Variants in DST observed in about 807,000 individuals in gnomAD.
DST encodes the protein bullous pemphigoid antigen.
DST carries 253 observed loss-of-function variants against 875.2 expected under a neutral mutation model. The observed-to-expected ratio is 0.29, with a 90% CI of 0.26 to 0.32. The LOEUF (loss-of-function observed/expected upper bound fraction) is 0.32, where lower values mean the gene tolerates loss of function less well. DST is among the 10% of genes least tolerant of loss of function. DST has a pLI of 1.00. For synonymous variants in DST, 3,124 were observed against 3,197.1 expected, an observed-to-expected ratio of 0.98 and a Z score of 0.77; for missense variants, 8,287 against 9,111.6, an observed-to-expected ratio of 0.91 and a Z score of 3.68.
At chr6:56,669,856 G>A (rs944736544) in intron 10 of DST, among the ~76,000 whole-genome samples, 1 of 152,216 alleles carries the variant, frequency 6.6e-6, no homozygotes, top group East Asian at 1.9e-4. Context: ...ACAGTGTCTG[G>A]CACTTAGTAA....
rs947893917 is a variant in DST, at chr6:56,785,428, C to T, written c.626-50139G>A. Among the ~76,000 whole-genome samples, 6 of 152,290 alleles carry T rather than the reference C, an allele frequency of 3.9e-5. No homozygotes were observed. In the East Asian group the frequency reaches 9.7e-4, roughly 25 times the overall value. On this transcript the variant is annotated intron_variant, in intron 4 of 103. Coordinates refer to ENST00000680361, the MANE Select transcript of DST (RefSeq NM_001374736.1). ...GCCTGGGCAATGGCAGGCGCCCCTC[C>T]GCCAGCCTCGCTGCCGCCTTGCAGT...
chr6:56,749,416 C>T (rs976785693), intron 4 of DST, among the ~76,000 whole-genome samples: 4 of 152,122 alleles, frequency 2.6e-5, no homozygotes, highest in African/African-American at 9.7e-5. Context: ...GGTTACTACA[C>T]AGTGGAATGC....
chr6:56,823,075 C>G (rs758875284), intron 4 of DST, among the ~76,000 whole-genome samples: 5 of 152,082 alleles, frequency 3.3e-5, no homozygotes, highest in Non-Finnish European at 7.4e-5. Flanking sequence ...TCAAGTGATC[C>G]ACCTGCCTCG....
chr6:56,917,316 CAG>C (rs763789075), intron 2 of DST, among the ~76,000 whole-genome samples: 2 of 152,068 alleles, frequency 1.3e-5, no homozygotes, highest in Non-Finnish European at 1.5e-5. Flanking sequence ...TGAGTAAAGA[CAG>C]AGAAAAAGCA....
chr6:56,947,572 C>CT (rs1421507954), intron 2 of DST, among the ~76,000 whole-genome samples: 1 of 152,220 alleles, frequency 6.6e-6, no homozygotes, highest in African/African-American at 2.4e-5. Context: ...GGACTCACAG[C>CT]AGATGCCCTC....
At chr6:56,580,785 T>C (rs1304385359) in intron 49 of DST, among the ~76,000 whole-genome samples, 1 of 139,792 alleles carries the variant, frequency 7.2e-6, no homozygotes, top group Non-Finnish European at 1.5e-5. Context: ...CAGGCTGGAG[T>C]GCACTGGTAC....
At chr6:56,639,050 G>A (rs189385872) in intron 22 of DST, 2 of 603,944 alleles carry the variant, frequency 3.3e-6, no homozygotes, top group African/African-American at 1.9e-5. Flanking sequence ...CACAGAGGCT[G>A]ACAAGGGTAC....
intron 36 of DST, chr6:56,618,042 T>C: frequency 6.2e-7 from 1 of 1,614,192 alleles, no homozygotes; most frequent in African/African-American, 1.3e-5. Context: ...TCTTGATACC[T>C]AACAGGTGGT....
chr6:56,465,942 C>CT lies in DST; in HGVS notation c.22687+135dup, dbSNP rs1187111095. On this transcript the variant is annotated intron_variant, in intron 99 of 103. Coordinates refer to ENST00000680361, the MANE Select transcript of DST (RefSeq NM_001374736.1). ...ATGACTGCCACAGGTTCTTTGGGAA[C>CT]TTTAGGCTGACAGACCAATGTGAAA... The CT allele has an allele frequency of 5.8e-6, 3 of 514,164 alleles. No individual in the cohort carries two copies. The South Asian group carries it at 1.2e-4, about 20-fold the overall frequency. The allele number at this position is 514,164 out of a possible 1,614,324, so 31.9% of individuals were successfully genotyped here.
At chr6:56,488,700 G>A (rs112152520) in intron 86 of DST, among the ~76,000 whole-genome samples, 12 of 152,094 alleles carry the variant, frequency 7.9e-5, no homozygotes, top group South Asian at 2.1e-4. Context: ...TGTTTCAAGC[G>A]ATAATTTATA....
In DST at chr6:56,569,838, T is replaced by A. The variant is rs542659974; in HGVS notation, c.13878+18A>T. Reference sequence around the variant, plus strand: ...ATTGACACAAATGGAAATTTAGTATTAGATAACAATGATTCACCTTAGTGT... The same window carrying A: ...ATTGACACAAATGGAAATTTAGTATAAGATAACAATGATTCACCTTAGTGT... On this transcript the variant is annotated intron_variant, in intron 54 of 103. Transcript: ENST00000680361. 27 of 1,592,892 alleles carry A rather than the reference T, an allele frequency of 1.7e-5. No individual in the cohort carries two copies. The African/African-American group carries it at 3.5e-4, about 21-fold the overall frequency.
chr6:56,593,668 A>T lies in DST; in HGVS notation c.12721T>A (p.Ser4241Thr). Reference sequence around the variant, plus strand: ...AAAAATCAAAATAACATTACCTTAGAGTAGAGAGACCTGAACCGATCAGTA... The same window carrying T: ...AAAAATCAAAATAACATTACCTTAGTGTAGAGAGACCTGAACCGATCAGTA... ...HATDRFRSLY[S>T]KCNVLGNNLK... The change falls in exon 48 of 104, where the codon TCT (serine) becomes ACT (threonine). Residue 4241 changes from serine (S) to threonine (T), a missense_variant. Physicochemically the swap from Ser to Thr is moderately conservative, Grantham distance 58 (BLOSUM62 1). Around this residue, in one of 10 missense-constraint regions of DST, gnomAD observed 1,513 missense variants for 1,677.8 expected, o/e 0.90. Coordinates refer to ENST00000680361, the MANE Select transcript of DST (RefSeq NM_001374736.1). 1.3e-6 allele frequency: 2 copies of T among 1,560,756 alleles called. No homozygotes were observed. Among genetic ancestry groups the T allele is most frequent in the South Asian group, 1.2e-5 (1 of 82,286 alleles).
chr6:56,835,268 C>T (rs186326628), intron 4 of DST, among the ~76,000 whole-genome samples: 3 of 152,150 alleles, frequency 2.0e-5, no homozygotes, highest in Admixed American at 2.0e-4. Context: ...ATAATAGACA[C>T]ATGATATTAT....
chr6:56,509,727 T>C lies in DST; in HGVS notation c.18927A>G (p.Leu6309=). The C allele has an allele frequency of 1.2e-6, 2 of 1,613,816 alleles. No individual in the cohort carries two copies. Among genetic ancestry groups the C allele is most frequent in the Non-Finnish European group, 1.7e-6 (2 of 1,179,764 alleles). The change falls in exon 74 of 104, where the codon CTA becomes CTG. Residue 6309 remains leucine (L), a synonymous_variant. Coordinates refer to ENST00000680361, the MANE Select transcript of DST (RefSeq NM_001374736.1). ...NKNVSVDMEK[L]QPLYETLKQR... ...GTTTAAGAGTTTCATACAACGGCTG[T>C]AGCTTTTCCATGTCTACTGACACAT...
intron 4 of DST, among the ~76,000 whole-genome samples, chr6:56,842,843 A>T (rs1009450603): frequency 6.6e-6 from 1 of 152,072 alleles, no homozygotes; most frequent in Non-Finnish European, 1.5e-5. Flanking sequence ...TCTACCGCTC[A>T]TCTAAGGGCG....
At chr6:56,879,912 C>T (rs768292568) in intron 3 of DST, among the ~76,000 whole-genome samples, 15 of 152,224 alleles carry the variant, frequency 9.9e-5, no homozygotes, top group Non-Finnish European at 1.8e-4. Flanking sequence ...CTTATGTTTG[C>T]TAAAAGGTTT....
At chr6:56,939,310 A>C (rs1815036405) in intron 2 of DST, among the ~76,000 whole-genome samples, 1 of 152,242 alleles carries the variant, frequency 6.6e-6, no homozygotes, top group Non-Finnish European at 1.5e-5. Flanking sequence ...CCCCCAAAGA[A>C]GATTTTGGTC....
At chr6:56,812,409 A>G (rs905316635) in intron 4 of DST, among the ~76,000 whole-genome samples, 2 of 152,230 alleles carry the variant, frequency 1.3e-5, no homozygotes, top group Admixed American at 6.5e-5. Context: ...TAATAAATCT[A>G]AAATAAAATT....
rs142792758 is a variant in DST, at chr6:56,696,323, C to T, written c.1047+3330G>A. 5.4e-3 allele frequency among the ~76,000 whole-genome samples: 829 copies of T among 152,166 alleles called. 3 individuals are homozygous for T. Among genetic ancestry groups the T allele is most frequent in the African/African-American group, 0.019 (788 of 41,498 alleles). ...AATTACAGGCATGTGCCACAACGCC[C>T]GGCGAATTTTGTATTTTCAGTAGAG... On this transcript the variant is annotated intron_variant, in intron 9 of 103. Transcript: ENST00000680361.
Sources: gnomAD v4.1 joint callset for allele counts (sites outside exome capture counted in the v4.1 genomes callset) on GRCh38, gnomAD v4.1.1 for gene constraint, gnomAD v4.1.1 regional missense constraint, MANE v1.5 for transcripts, NCBI Gene and HGNC (gene_info 2026-07-23, HGNC 2026-07-21) for gene names.